Variants in L3MBTL4 observed in about 807,000 individuals in gnomAD.
L3MBTL4 encodes lethal(3)malignant brain tumor-like protein 4.
Under a neutral mutation model 84.5 loss-of-function variants are expected in L3MBTL4, and 70 were observed. The ratio of observed to expected loss-of-function variants is 0.83; its 90% confidence interval spans 0.68 to 1.01. The LOEUF (loss-of-function observed/expected upper bound fraction) is 1.01, where lower values mean the gene tolerates loss of function less well. Ranked by LOEUF, L3MBTL4 falls within the 50% of genes least tolerant of loss-of-function variation. The pLI is 0.00. For missense variants in L3MBTL4, 715 were observed against 754.8 expected (o/e 0.95, Z 0.62); for synonymous variants, 274 against 259.8 (o/e 1.05, Z -0.52).
chr18:6,005,637 G>A (rs1425111628), intron 16 of L3MBTL4, among the ~76,000 whole-genome samples: 2 of 152,028 alleles, frequency 1.3e-5, no homozygotes, highest in South Asian at 2.1e-4. Flanking sequence ...ATGGTGTCCC[G>A]CTTCATCTAT....
chr18:6,112,972 C>A lies in L3MBTL4; in HGVS notation c.1200-19444G>T, dbSNP rs76626839. Among the ~76,000 whole-genome samples the A allele has an allele frequency of 9.6e-3, 1,452 of 152,030 alleles. 11 individuals are homozygous for A. Among genetic ancestry groups the A allele is most frequent in the South Asian group, 0.034 (162 of 4,792 alleles). ...GGGGAGAAATTGCCTCTATAGTGTC[C>A]GGGAATGCACATGGTAAGTGATGAA... On this transcript the variant is annotated intron_variant, in intron 14 of 18. Coordinates refer to ENST00000317931, the MANE Select transcript of L3MBTL4 (RefSeq NM_001330559.2).
chr18:6,064,793 G>T (rs1250141482), intron 16 of L3MBTL4, among the ~76,000 whole-genome samples: 1 of 151,744 alleles, frequency 6.6e-6, no homozygotes, highest in African/African-American at 2.4e-5. Flanking sequence ...TATCATTGAT[G>T]AATCGTGACA....
At chr18:5,960,528 G>C (rs764354088) in intron 17 of L3MBTL4, 3 of 154,190 alleles carry the variant, frequency 1.9e-5, no homozygotes, top group Non-Finnish European at 2.9e-5. Context: ...TTAGGAGTAA[G>C]GACCTGCTCA....
At chr18:6,104,879 T>G (rs1275038892) in intron 14 of L3MBTL4, among the ~76,000 whole-genome samples, 2 of 152,166 alleles carry the variant, frequency 1.3e-5, no homozygotes, top group Non-Finnish European at 2.9e-5. Flanking sequence ...AATTAACACA[T>G]CGAAGGCAAA....
At chr18:6,276,143 G>A (rs980381170) in intron 4 of L3MBTL4, among the ~76,000 whole-genome samples, 4 of 152,134 alleles carry the variant, frequency 2.6e-5, no homozygotes, top group African/African-American at 7.2e-5. Context: ...TATGACCTAG[G>A]AGCTCCCTCC....
At chr18:6,180,572 T>A (rs763504397) in intron 12 of L3MBTL4, among the ~76,000 whole-genome samples, 4 of 152,230 alleles carry the variant, frequency 2.6e-5, no homozygotes, top group Non-Finnish European at 5.9e-5. Flanking sequence ...ACAAATATCA[T>A]AGAAAAACTT....
At chr18:5,999,571 T>C (rs2054126619) in intron 16 of L3MBTL4, among the ~76,000 whole-genome samples, 1 of 152,224 alleles carries the variant, frequency 6.6e-6, no homozygotes, top group Admixed American at 6.5e-5. Context: ...GGAATATGGC[T>C]GTGAGCATTT....
intron 13 of L3MBTL4, among the ~76,000 whole-genome samples, chr18:6,166,033 A>G (rs530122119): frequency 1.3e-5 from 2 of 152,310 alleles, no homozygotes; most frequent in African/African-American, 4.8e-5. Flanking sequence ...TTGCAATCCT[A>G]GTCTCAGATA....
chr18:5,966,156 A>G (rs1053844684), intron 17 of L3MBTL4, among the ~76,000 whole-genome samples: 8 of 152,044 alleles, frequency 5.3e-5, no homozygotes, highest in African/African-American at 1.7e-4. Context: ...TCACCTCCCA[A>G]TCCCGTGATT....
At chr18:6,046,176 A>T (rs1198567861) in intron 16 of L3MBTL4, among the ~76,000 whole-genome samples, 2 of 152,234 alleles carry the variant, frequency 1.3e-5, no homozygotes, top group East Asian at 3.8e-4. Context: ...TTACATAATG[A>T]TAAAGAGTTC....
At chr18:6,222,406 ACT>A (rs1210727047) in intron 10 of L3MBTL4, among the ~76,000 whole-genome samples, 6 of 151,956 alleles carry the variant, frequency 3.9e-5, no homozygotes, top group African/African-American at 1.5e-4. Flanking sequence ...AAAGAAATAA[ACT>A]CTCTTTTGTG....
intron 12 of L3MBTL4, among the ~76,000 whole-genome samples, chr18:6,176,215 T>G (rs1044415660): frequency 1.3e-4 from 20 of 151,998 alleles, no homozygotes; most frequent in African/African-American, 4.6e-4. Context: ...TCTAACATTA[T>G]AAAGGAATGA....
intron 16 of L3MBTL4, among the ~76,000 whole-genome samples, chr18:5,977,212 G>A (rs1241269518): frequency 6.6e-6 from 1 of 152,224 alleles, no homozygotes; most frequent in African/African-American, 2.4e-5. Flanking sequence ...CCTCCTCCCA[G>A]GCGGGCATGT....
intron 1 of L3MBTL4, among the ~76,000 whole-genome samples, chr18:6,328,429 T>C (rs2051841651): frequency 6.6e-6 from 1 of 152,228 alleles, no homozygotes. Flanking sequence ...AATGCCTCTC[T>C]GAAGCCTTGC....
intron 16 of L3MBTL4, among the ~76,000 whole-genome samples, chr18:5,988,052 T>A (rs1250633480): frequency 6.6e-6 from 1 of 152,196 alleles, no homozygotes; most frequent in East Asian, 1.9e-4. Flanking sequence ...TTGCATAAAG[T>A]CATTGCATGA....
At chr18:6,105,071 G>A (rs775821369) in intron 14 of L3MBTL4, among the ~76,000 whole-genome samples, 7 of 151,464 alleles carry the variant, frequency 4.6e-5, no homozygotes, top group South Asian at 2.1e-4. Flanking sequence ...AAGGATGAAC[G>A]TCTATTTCTT....
chr18:5,961,140 C>T (rs768731297), intron 17 of L3MBTL4, among the ~76,000 whole-genome samples: 2 of 152,180 alleles, frequency 1.3e-5, no homozygotes, highest in Non-Finnish European at 1.5e-5. Context: ...TTGTGTCAAC[C>T]GAATTGTGTG....
intron 16 of L3MBTL4, among the ~76,000 whole-genome samples, chr18:6,008,073 G>A (rs1051830233): frequency 6.6e-5 from 10 of 152,198 alleles, no homozygotes; most frequent in African/African-American, 1.9e-4. Context: ...CAGAGGATCT[G>A]TAAGATGTGG....
intron 16 of L3MBTL4, among the ~76,000 whole-genome samples, chr18:6,042,759 C>T (rs886144057): frequency 5.3e-5 from 8 of 152,282 alleles, no homozygotes; most frequent in African/African-American, 1.9e-4. Context: ...CTGGAACACC[C>T]TTTTGCTAAG....
Sources: gnomAD v4.1 joint callset for allele counts (sites outside exome capture counted in the v4.1 genomes callset) on GRCh38, gnomAD v4.1.1 for gene constraint, MANE v1.5 for transcripts, NCBI Gene and HGNC (gene_info 2026-07-23, HGNC 2026-07-21) for gene names.